Variants in CNTNAP2 observed in about 807,000 individuals in gnomAD.
CNTNAP2 encodes the protein contactin-associated protein-like 2.
In CNTNAP2, 98 loss-of-function variants were observed where a neutral mutation model predicts 155.2. The ratio of observed to expected loss-of-function variants is 0.63; its 90% CI spans 0.54 to 0.75. The LOEUF is 0.75. Among genes scored for constraint, CNTNAP2 ranks in the 30% least tolerant of loss-of-function variants. The probability of loss-of-function intolerance (pLI) is 0.00; values close to 1 mark genes in which losing one functional copy is unlikely to be tolerated. For synonymous variants in CNTNAP2, 651 were observed against 631.2 expected (o/e 1.03, Z -0.47); for missense variants, 1,727 against 1,688.1 (o/e 1.02, Z -0.40).
chr7:146,550,893 G>A (rs969920791), intron 1 of CNTNAP2, among the ~76,000 whole-genome samples: 1 of 152,034 alleles, frequency 6.6e-6, no homozygotes, highest in Non-Finnish European at 1.5e-5. Flanking sequence ...AGTGACACCT[G>A]AAGAGAATCT....
intron 1 of CNTNAP2, among the ~76,000 whole-genome samples, chr7:146,570,379 T>G (rs1798423656): frequency 6.6e-6 from 1 of 152,204 alleles, no homozygotes; most frequent in Non-Finnish European, 1.5e-5. Context: ...ATTTTGGGGA[T>G]GCTTGTGCGG....
intron 10 of CNTNAP2, among the ~76,000 whole-genome samples, chr7:147,474,034 G>A (rs983876367): frequency 7.2e-5 from 11 of 151,832 alleles, no homozygotes; most frequent in African/African-American, 1.9e-4. Flanking sequence ...AGCCGAGATC[G>A]CACCACTGCA....
At chr7:147,212,595 T>C (rs1160385595) in intron 8 of CNTNAP2, among the ~76,000 whole-genome samples, 1 of 152,028 alleles carries the variant, frequency 6.6e-6, no homozygotes, top group Non-Finnish European at 1.5e-5. Context: ...AGTGAAGAGG[T>C]AGGGATGTGG....
chr7:146,675,809 G>A (rs1351294540), intron 1 of CNTNAP2, among the ~76,000 whole-genome samples: 1 of 147,536 alleles, frequency 6.8e-6, no homozygotes, highest in Admixed American at 6.6e-5. Context: ...TGAAGGCAAT[G>A]TTCTTAGTTG....
At position 148,076,422 on chromosome 7, in the gene CNTNAP2, C is replaced by CTTTTTTTTTTTTTTTT. The variant is rs771048326; in HGVS notation, c.2384-41680_2384-41665dup. Reference sequence around the variant, plus strand: ...TGTAGACCTATGATAGCTCTGACTTCTTTTTTTTTTTTTTTTTTTTTTTTT... The same window carrying CTTTTTTTTTTTTTTTT: ...TGTAGACCTATGATAGCTCTGACTTCTTTTTTTTTTTTTTTTTTTTTTTTTTTTTTTTTTTTTTTTT... On this transcript the variant is annotated intron_variant, in intron 15 of 23. Coordinates refer to ENST00000361727, the MANE Select transcript of CNTNAP2 (RefSeq NM_014141.6). Among the ~76,000 whole-genome samples the CTTTTTTTTTTTTTTTT allele has an allele frequency of 1.8e-4, 9 of 49,802 alleles. 1 individual carries two copies. Among genetic ancestry groups the CTTTTTTTTTTTTTTTT allele is most frequent in the East Asian group, 8.0e-4 (1 of 1,250 alleles). The allele number at this position is 49,802 out of a possible 152,430, so 32.7% of individuals were successfully genotyped here. A position where few individuals can be genotyped will look rare whatever the true frequency, so the allele number is the denominator to read the frequency against.
chr7:147,079,755 T>A (rs577663041), intron 4 of CNTNAP2, among the ~76,000 whole-genome samples: 1 of 152,038 alleles, frequency 6.6e-6, no homozygotes, highest in Non-Finnish European at 1.5e-5. Flanking sequence ...ATCTGTGTGC[T>A]ATTAATAATT....
chr7:146,483,320 T>A (rs1235924488), intron 1 of CNTNAP2, among the ~76,000 whole-genome samples: 2 of 85,682 alleles, frequency 2.3e-5, no homozygotes, highest in Non-Finnish European at 2.2e-5. Context: ...TATATATATA[T>A]ATATATATAC....
At chr7:146,424,957 A>G (rs1796067292) in intron 1 of CNTNAP2, among the ~76,000 whole-genome samples, 1 of 152,170 alleles carries the variant, frequency 6.6e-6, no homozygotes, top group South Asian at 2.1e-4. Flanking sequence ...GAAGCCTTAT[A>G]ATTATCAGTG....
intron 1 of CNTNAP2, among the ~76,000 whole-genome samples, chr7:146,756,479 G>A (rs1801997991): frequency 1.3e-5 from 2 of 151,968 alleles, no homozygotes; most frequent in Admixed American, 1.3e-4. Context: ...ATAGTATATG[G>A]TAGGTATCTT....
At chr7:147,592,641 AT>A (rs761676267) in intron 12 of CNTNAP2, among the ~76,000 whole-genome samples, 92 of 152,284 alleles carry the variant, frequency 6.0e-4, no homozygotes, top group Middle Eastern at 6.8e-3. Flanking sequence ...TTTTCTTTAC[AT>A]TTCACTGTTT....
At chr7:146,827,300 G>A (rs940032718) in intron 2 of CNTNAP2, among the ~76,000 whole-genome samples, 3 of 151,876 alleles carry the variant, frequency 2.0e-5, no homozygotes, top group Non-Finnish European at 2.9e-5. Context: ...CTTGTTCAGG[G>A]TTTGCTACAA....
intron 1 of CNTNAP2, among the ~76,000 whole-genome samples, chr7:146,556,396 G>A: frequency 6.6e-6 from 1 of 151,958 alleles, no homozygotes; most frequent in East Asian, 1.9e-4. Context: ...GATAAAATGG[G>A]GAAAATAATA....
chr7:146,189,804 A>G (rs7781862), intron 1 of CNTNAP2, among the ~76,000 whole-genome samples: 5,032 of 152,252 alleles, frequency 0.033, 278 homozygotes, highest in African/African-American at 0.12. Context: ...TGCTCATTTA[A>G]TGTAATCATT....
chr7:147,045,251 G>A (rs1277814624), intron 4 of CNTNAP2, among the ~76,000 whole-genome samples: 2 of 152,030 alleles, frequency 1.3e-5, no homozygotes, highest in Admixed American at 6.6e-5. Context: ...CCACAAAAAT[G>A]AGTTCACACT....
intron 10 of CNTNAP2, among the ~76,000 whole-genome samples, chr7:147,467,187 G>C (rs10270551): frequency 0.78 from 118,568 of 152,036 alleles, 46,594 homozygotes; most frequent in African/African-American, 0.87. Flanking sequence ...TTTCAGGGCT[G>C]TAAAAAATGG....
rs116295123 is a variant in CNTNAP2, at chr7:148,162,957, G to A, written c.2774-9285G>A. On this transcript the variant is annotated intron_variant, in intron 17 of 23. Coordinates refer to ENST00000361727, the MANE Select transcript of CNTNAP2 (RefSeq NM_014141.6). ...CAAGGCTGCAGTGAACCATGATTGC[G>A]TCACTGCACTCGGCCTGAGCCAAAG... 7.9e-3 allele frequency among the ~76,000 whole-genome samples: 1,200 copies of A among 152,300 alleles called. 14 individuals carry two copies. The highest frequency in any genetic ancestry group is 0.027 in the African/African-American group (1,115 of 41,548).
At chr7:148,132,876 A>G (rs1804862438) in intron 16 of CNTNAP2, among the ~76,000 whole-genome samples, 1 of 152,232 alleles carries the variant, frequency 6.6e-6, no homozygotes, top group African/African-American at 2.4e-5. Context: ...TGAAACTTCT[A>G]TGAATTAGAG....
At chr7:147,842,375 C>T (rs982104313) in intron 13 of CNTNAP2, among the ~76,000 whole-genome samples, 1 of 152,110 alleles carries the variant, frequency 6.6e-6, no homozygotes, top group African/African-American at 2.4e-5. Flanking sequence ...CTGTGAATCA[C>T]AGTGTTATAT....
At chr7:147,757,120 T>C (rs1471096959) in intron 13 of CNTNAP2, among the ~76,000 whole-genome samples, 1 of 152,132 alleles carries the variant, frequency 6.6e-6, no homozygotes. Flanking sequence ...CAAGGGGACA[T>C]AAGGGTACCT....
Sources: allele counts gnomAD v4.1 joint callset (sites outside exome capture counted in the v4.1 genomes callset), GRCh38; gene constraint gnomAD v4.1.1; transcripts MANE v1.5; gene names NCBI Gene and HGNC (gene_info 2026-07-23, HGNC 2026-07-21).